The following TPCN1 variants were observed in gnomAD, a reference collection of about 807,000 sequenced individuals.
TPCN1 encodes the protein two pore channel protein 1.
Under a neutral mutation model 108.8 loss-of-function variants are expected in TPCN1, and 52 were observed. The observed-to-expected ratio is 0.48, with a 90% CI of 0.38 to 0.60. TPCN1 has a LOEUF of 0.60. TPCN1 is among the 20% of genes least tolerant of loss of function. The pLI is 0.00. For synonymous variants in TPCN1, 446 were observed against 433.7 expected (o/e 1.03, Z -0.35); for missense variants, 806 against 1,072.8 (o/e 0.75, Z 3.47).
intron 1 of TPCN1, among the ~76,000 whole-genome samples, chr12:113,224,238 A>T (rs1353481240): frequency 6.6e-6 from 1 of 152,142 alleles, no homozygotes; most frequent in African/African-American, 2.4e-5. Context: ...AGGATACGTA[A>T]TCTGTCTGTG....
At chr12:113,250,634 T>C (rs1954597277) in intron 2 of TPCN1, among the ~76,000 whole-genome samples, 1 of 152,184 alleles carries the variant, frequency 6.6e-6, no homozygotes, top group Non-Finnish European at 1.5e-5. Context: ...AACAGGCCAG[T>C]TGTTGGTCTT....
Position 113,289,933 on chromosome 12 carries a change from C to A in TPCN1, c.1797-195C>A. ...GGCCAGGGGATCCCGCCAAGCCCAGCAGGCAGGAATAGCCAAGGGCATTCC... is the reference window on the plus strand; with the variant it reads ...GGCCAGGGGATCCCGCCAAGCCCAGAAGGCAGGAATAGCCAAGGGCATTCC... On this transcript the variant is annotated intron_variant, in intron 21 of 27. Coordinates refer to ENST00000335509, the MANE Select transcript of TPCN1 (RefSeq NM_017901.6). This position sits in a 1 kb window ranked among gnomAD's most constrained non-coding sequence, Gnocchi z 4.1. 1.9e-6 allele frequency: 1 copy of A among 530,316 alleles called. No individual in the cohort carries two copies. The highest frequency in any genetic ancestry group is 3.3e-6 in the Non-Finnish European group (1 of 299,152). 32.9% of individuals were successfully genotyped at this position (530,316 alleles called of 1,614,324 possible). A position where few individuals can be genotyped will look rare whatever the true frequency, so the allele number is the denominator to read the frequency against.
intron 19 of TPCN1, chr12:113,287,488 G>A (rs528686571): frequency 8.0e-4 from 144 of 180,870 alleles, no homozygotes; most frequent in African/African-American, 3.2e-3. Flanking sequence ...AAACCCTCGT[G>A]TGGGTCCCAC....
At position 113,273,440 on chromosome 12, in the gene TPCN1, G is replaced by A; in HGVS notation, c.843-129G>A. 8.1e-7 allele frequency: 1 copy of A among 1,237,246 alleles called. No homozygotes were observed. The allele number at this position is 1,237,246 out of a possible 1,614,324, so 76.6% of individuals were successfully genotyped here. A position where few individuals can be genotyped will look rare whatever the true frequency, so the allele number is the denominator to read the frequency against. On this transcript the variant is annotated intron_variant, in intron 9 of 27. Transcript: ENST00000335509. The surrounding 1 kb of genome is among the most constrained non-coding windows in gnomAD (Gnocchi z 4.0). Reference sequence around the variant, plus strand: ...TTGGCCCACTGAGCACGGAGCCCAGGGATGAGAGTAGGGGAACCAGGGTTG... The same window carrying A: ...TTGGCCCACTGAGCACGGAGCCCAGAGATGAGAGTAGGGGAACCAGGGTTG...
intron 2 of TPCN1, among the ~76,000 whole-genome samples, chr12:113,235,202 G>A (rs1355780278): frequency 6.6e-6 from 1 of 152,188 alleles, no homozygotes; most frequent in Non-Finnish European, 1.5e-5. Flanking sequence ...GGAGGGTGGA[G>A]GTGTCAAGCC....
At position 113,226,830 on chromosome 12, in the gene TPCN1, T is replaced by C. The variant is rs763027999; in HGVS notation, c.-23T>C. The C allele has an allele frequency of 6.2e-7, 1 of 1,614,164 alleles. No individual in the cohort carries two copies. The highest frequency in any genetic ancestry group is 1.1e-5 in the South Asian group (1 of 91,084). On this transcript the variant is annotated 5_prime_UTR_variant, in exon 2 of 28. It removes the in-frame stop codon of an upstream open reading frame in the 5' UTR. Transcript: ENST00000335509. ...ATTTCAAGCCCTGGATATCATATCC[T>C]GAGGGCCACAGGAGAAGAGAACATG... is the stretch of plus-strand genomic sequence containing the variant.
At position 113,288,226 on chromosome 12, in the gene TPCN1, G is replaced by T. The variant is rs779325060; in HGVS notation, c.1698G>T (p.Arg566=). 6.2e-7 allele frequency: 1 copy of T among 1,613,862 alleles called. No homozygotes were observed. The highest frequency in any genetic ancestry group is 1.1e-5 in the South Asian group (1 of 91,082). ...ACACCATGTTCGAGCTGCTGCCCCG[G>T]ATGGCCAGGTACTGCCAGCCCCCAC... The part of the protein sequence containing the change: ...VLDTMFELLP[R]MASLGLTLLI... Residue 566 remains arginine (R), a synonymous_variant, in exon 20 of 28, where the codon CGG becomes CGT. Transcript: ENST00000335509. The surrounding 1 kb of genome is among the most constrained non-coding windows in gnomAD (Gnocchi z 4.8).
In TPCN1 at chr12:113,272,578, T is replaced by A; in HGVS notation, c.749-80T>A. On this transcript the variant is annotated intron_variant, in intron 7 of 27. Coordinates refer to ENST00000335509, the MANE Select transcript of TPCN1 (RefSeq NM_017901.6). The surrounding 1 kb of genome is among the most constrained non-coding windows in gnomAD (Gnocchi z 4.1). The stretch of plus-strand genomic sequence containing the variant: ...CTGACCTGCTGCGTTCATTTGCATG[T>A]ATTTGTCCAGTCCTTTTGACACCAG... 7.7e-7 allele frequency: 1 copy of A among 1,297,956 alleles called. No individual in the cohort carries two copies. Among genetic ancestry groups the A allele is most frequent in the Non-Finnish European group, 1.1e-6 (1 of 891,744 alleles). The allele number at this position is 1,297,956 out of a possible 1,614,324, so 80.4% of individuals were successfully genotyped here.
At position 113,273,463 on chromosome 12, in the gene TPCN1, T is replaced by C. The variant is rs1021904043; in HGVS notation, c.843-106T>C. 5.5e-6 allele frequency: 7 copies of C among 1,270,060 alleles called. No individual in the cohort carries two copies. The African/African-American group carries it at 8.8e-5, about 16-fold the overall frequency. 78.7% of individuals were successfully genotyped at this position (1,270,060 alleles called of 1,614,324 possible). On this transcript the variant is annotated intron_variant, in intron 9 of 27. Transcript: ENST00000335509. The surrounding 1 kb of genome is among the most constrained non-coding windows in gnomAD (Gnocchi z 4.0). ...AGGGATGAGAGTAGGGGAACCAGGG[T>C]TGGAGGCTGGGAAGGCAGACAAGGA... is the stretch of plus-strand genomic sequence containing the variant.
At chr12:113,287,550 G>A (rs142653335) in intron 19 of TPCN1, 323 of 165,252 alleles carry the variant, frequency 2.0e-3, no homozygotes, top group Non-Finnish European at 3.6e-3. Context: ...CCCCACTGAC[G>A]GTGTCTCTTC....
intron 1 of TPCN1, among the ~76,000 whole-genome samples, chr12:113,223,284 G>A (rs892713200): frequency 1.3e-5 from 2 of 152,206 alleles, no homozygotes; most frequent in African/African-American, 4.8e-5. Flanking sequence ...GCTTGGAGTT[G>A]TTCCAATGAT....
chr12:113,222,551 G>T (rs147088969), intron 1 of TPCN1, among the ~76,000 whole-genome samples: 1 of 152,314 alleles, frequency 6.6e-6, no homozygotes, highest in African/African-American at 2.4e-5. Flanking sequence ...ATGTCCCCAT[G>T]GGGGCAAAAA....
At chr12:113,253,297 TG>T (rs1319747944) in intron 2 of TPCN1, among the ~76,000 whole-genome samples, 1 of 152,256 alleles carries the variant, frequency 6.6e-6, no homozygotes, top group African/African-American at 2.4e-5. Context: ...GCAGGATTGT[TG>T]TAAGAACTAA....
At chr12:113,270,082 G>A (rs940932947) in intron 7 of TPCN1, among the ~76,000 whole-genome samples, 33 of 152,270 alleles carry the variant, frequency 2.2e-4, no homozygotes, top group African/African-American at 7.7e-4. Context: ...TGTAATCCCA[G>A]CTGCTTCGGA....
intron 2 of TPCN1, among the ~76,000 whole-genome samples, chr12:113,246,277 G>C (rs1439351750): frequency 2.6e-5 from 4 of 152,346 alleles, no homozygotes; most frequent in Non-Finnish European, 5.9e-5. Flanking sequence ...TAAATCTTTA[G>C]TGGCCAAAGT....
At chr12:113,261,690 A>G (rs1382939429) in intron 3 of TPCN1, among the ~76,000 whole-genome samples, 1 of 152,022 alleles carries the variant, frequency 6.6e-6, no homozygotes, top group Non-Finnish European at 1.5e-5. Context: ...CAGCCTCCCA[A>G]AGTGCTGGGG....
chr12:113,236,812 AT>A (rs1953916963), intron 2 of TPCN1, among the ~76,000 whole-genome samples: 1 of 151,948 alleles, frequency 6.6e-6, no homozygotes. Flanking sequence ...CTAAGCTTTG[AT>A]TTCCTCATCC....
chr12:113,233,245 C>T (rs528347034), intron 2 of TPCN1, among the ~76,000 whole-genome samples: 24 of 152,308 alleles, frequency 1.6e-4, no homozygotes, highest in Non-Finnish European at 2.5e-4. Context: ...AAATGGCAGT[C>T]GTGGCAGCTG....
chr12:113,251,774 G>A (rs915229046), intron 2 of TPCN1, among the ~76,000 whole-genome samples: 3 of 152,250 alleles, frequency 2.0e-5, no homozygotes, highest in South Asian at 2.1e-4. Context: ...CAAGGAGTCA[G>A]TCTTTTTCTG....
Sources: gnomAD v4.1 joint callset for allele counts (sites outside exome capture counted in the v4.1 genomes callset) on GRCh38, gnomAD v4.1.1 for gene constraint, Gnocchi (gnomAD v3.1) non-coding constraint, MANE v1.5 for transcripts, NCBI Gene and HGNC (gene_info 2026-07-23, HGNC 2026-07-21) for gene names.